Variants in TMPRSS11E observed in about 807,000 individuals in gnomAD.
TMPRSS11E encodes transmembrane serine protease 11E.
In TMPRSS11E, 38 loss-of-function variants were observed where a neutral mutation model predicts 48.1. The ratio of observed to expected loss-of-function variants is 0.79; its 90% CI spans 0.61 to 1.04. The LOEUF (loss-of-function observed/expected upper bound fraction) is 1.04, where lower values mean the gene tolerates loss of function less well. Ranked by LOEUF, TMPRSS11E falls within the 50% of genes least tolerant of loss-of-function variation. The pLI, the probability that TMPRSS11E is intolerant of heterozygous loss-of-function variation, is 0.00. For missense variants in TMPRSS11E, 530 were observed against 510.8 expected, an observed-to-expected ratio of 1.04 and a Z score of -0.36; for synonymous variants, 158 against 171.9, an observed-to-expected ratio of 0.92 and a Z score of 0.63.
rs533901615 is a variant in TMPRSS11E at position 68,492,101 on chromosome 4, G to A, written c.1111-4542G>A. Among the ~76,000 whole-genome samples the A allele has an allele frequency of 1.7e-4, 26 of 152,220 alleles. No homozygotes were observed. In the South Asian group the frequency reaches 3.7e-3, roughly 22 times the overall value. ...CCTAATTGCTCCTGGAGGAACACAC[G>A]GAACAAAGTAGATTGGTCCCATTAC... On this transcript the variant is annotated intron_variant, in intron 9 of 9. Coordinates refer to ENST00000305363, the MANE Select transcript of TMPRSS11E (RefSeq NM_014058.4).
intron 2 of TMPRSS11E, among the ~76,000 whole-genome samples, chr4:68,465,013 G>A (rs971904593): frequency 1.3e-5 from 2 of 152,202 alleles, no homozygotes; most frequent in African/African-American, 4.8e-5. Context: ...TGAGGCAGAT[G>A]TTAAAAAATA....
chr4:68,451,689 T>A (rs1346179082), intron 1 of TMPRSS11E, among the ~76,000 whole-genome samples: 1 of 151,982 alleles, frequency 6.6e-6, no homozygotes, highest in Non-Finnish European at 1.5e-5. Flanking sequence ...GTTTCACATG[T>A]ACTATCTGCC....
intron 1 of TMPRSS11E, among the ~76,000 whole-genome samples, chr4:68,450,784 C>T (rs1280140795): frequency 6.6e-6 from 1 of 151,908 alleles, no homozygotes; most frequent in African/African-American, 2.4e-5. Context: ...CTTTTCTGCA[C>T]TGTTTCAAAG....
intron 9 of TMPRSS11E, among the ~76,000 whole-genome samples, chr4:68,493,170 T>A (rs949188347): frequency 9.2e-5 from 14 of 152,102 alleles, no homozygotes; most frequent in Non-Finnish European, 1.8e-4. Flanking sequence ...AATAATGAAC[T>A]TTCATGTACT....
intron 9 of TMPRSS11E, among the ~76,000 whole-genome samples, chr4:68,490,902 G>T (rs1404567279): frequency 6.6e-6 from 1 of 151,818 alleles, no homozygotes; most frequent in Non-Finnish European, 1.5e-5. Context: ...GAGATTAAAG[G>T]CATGTGCCAC....
intron 2 of TMPRSS11E, among the ~76,000 whole-genome samples, chr4:68,465,038 C>T (rs1409397167): frequency 3.3e-5 from 5 of 152,134 alleles, no homozygotes; most frequent in Admixed American, 3.3e-4. Flanking sequence ...TGTAGTAGAA[C>T]AGTAGTTTAC....
Position 68,461,866 on chromosome 4 carries a change from G to T in TMPRSS11E, c.57G>T (p.Trp19Cys). 6.2e-7 allele frequency: 1 copy of T among 1,614,188 alleles called. No individual in the cohort carries two copies. The highest frequency in any genetic ancestry group is 8.5e-7 in the Non-Finnish European group (1 of 1,180,018). ...RARKRVCWEP[W>C]VIGLVIFISL... Reference sequence around the variant, plus strand: ...GGAAAAGAGTTTGTTGGGAACCCTGGGTTATCGGCCTCGTCATCTTCATAT... The same window carrying T: ...GGAAAAGAGTTTGTTGGGAACCCTGTGTTATCGGCCTCGTCATCTTCATAT... The change falls in exon 2 of 10, where the codon TGG (tryptophan) becomes TGT (cysteine). Residue 19 changes from tryptophan (W) to cysteine (C), a missense_variant. Transcript: ENST00000305363.
intron 9 of TMPRSS11E, among the ~76,000 whole-genome samples, chr4:68,490,849 C>T (rs575230229): frequency 6.8e-6 from 1 of 146,574 alleles, no homozygotes; most frequent in African/African-American, 2.5e-5. Context: ...ACCTCTGCCT[C>T]CTAGGTTCCA....
chr4:68,467,153 G>C (rs974760643), intron 3 of TMPRSS11E, among the ~76,000 whole-genome samples: 1 of 152,052 alleles, frequency 6.6e-6, no homozygotes, highest in Admixed American at 6.6e-5. Context: ...TAAATAGTCT[G>C]TTAGGTTTTA....
At chr4:68,467,564 A>G in intron 3 of TMPRSS11E, among the ~76,000 whole-genome samples, 1 of 152,186 alleles carries the variant, frequency 6.6e-6, no homozygotes, top group East Asian at 1.9e-4. Context: ...TTGGAATATT[A>G]GTTTATCATT....
intron 3 of TMPRSS11E, among the ~76,000 whole-genome samples, chr4:68,468,224 C>T (rs1337543456): frequency 6.6e-6 from 1 of 152,074 alleles, no homozygotes; most frequent in Non-Finnish European, 1.5e-5. Context: ...AAACAAGACA[C>T]CTTTGAGTGT....
At chr4:68,459,568 T>A (rs1345812206) in intron 1 of TMPRSS11E, among the ~76,000 whole-genome samples, 1 of 152,228 alleles carries the variant, frequency 6.6e-6, no homozygotes, top group African/African-American at 2.4e-5. Context: ...ATTCTATAAC[T>A]TTTTAAAATT....
At chr4:68,494,888 C>T (rs1461640840) in intron 9 of TMPRSS11E, among the ~76,000 whole-genome samples, 1 of 152,084 alleles carries the variant, frequency 6.6e-6, no homozygotes, top group Admixed American at 6.6e-5. Context: ...GGAAATGCAA[C>T]CTAAAACTGA....
At chr4:68,457,275 C>T (rs1483355618) in intron 1 of TMPRSS11E, among the ~76,000 whole-genome samples, 1 of 152,092 alleles carries the variant, frequency 6.6e-6, no homozygotes, top group African/African-American at 2.4e-5. Flanking sequence ...GACATTTATG[C>T]AGCCAACAAA....
At chr4:68,478,301 G>A (rs1729294807) in intron 8 of TMPRSS11E, among the ~76,000 whole-genome samples, 1 of 151,150 alleles carries the variant, frequency 6.6e-6, no homozygotes, top group African/African-American at 2.4e-5. Flanking sequence ...GACTACAGGT[G>A]CCCGCCTAAT....
chr4:68,480,761 C>CTT (rs1320847984), intron 9 of TMPRSS11E, among the ~76,000 whole-genome samples: 1 of 151,900 alleles, frequency 6.6e-6, no homozygotes, highest in Non-Finnish European at 1.5e-5. Context: ...TTATATCATG[C>CTT]TTTTAAATTT....
intron 1 of TMPRSS11E, among the ~76,000 whole-genome samples, chr4:68,460,883 CT>C (rs34208799): frequency 4.9e-3 from 694 of 142,282 alleles, no homozygotes; most frequent in Middle Eastern, 0.014. Flanking sequence ...TTTCCTGTAG[CT>C]TTTTTTTTTT....
At chr4:68,484,892 G>T (rs911642282) in intron 9 of TMPRSS11E, among the ~76,000 whole-genome samples, 1 of 152,150 alleles carries the variant, frequency 6.6e-6, no homozygotes. Context: ...TATCATTTGT[G>T]AAGAGAGATA....
At chr4:68,457,725 A>G (rs918782726) in intron 1 of TMPRSS11E, among the ~76,000 whole-genome samples, 1 of 152,278 alleles carries the variant, frequency 6.6e-6, no homozygotes, top group Non-Finnish European at 1.5e-5. Context: ...AACATGGCAC[A>G]TATACACCAT....
Sources: allele counts gnomAD v4.1 joint callset (sites outside exome capture counted in the v4.1 genomes callset), GRCh38; gene constraint gnomAD v4.1.1; transcripts MANE v1.5; gene names NCBI Gene and HGNC (gene_info 2026-07-23, HGNC 2026-07-21).